Variants in ABCA3 observed in about 807,000 individuals in gnomAD.
ABCA3 encodes ATP binding cassette subfamily A member 3, also known as phospholipid-transporting ATPase ABCA3.
A neutral mutation model predicts 172.8 loss-of-function variants in ABCA3; 88 were observed. The observed-to-expected ratio is 0.51, with a 90% CI of 0.43 to 0.61. The LOEUF is 0.61. Ranked by LOEUF, ABCA3 falls within the 20% of genes least tolerant of loss-of-function variation. The probability of loss-of-function intolerance (pLI) is 0.00; values close to 1 mark genes in which losing one functional copy is unlikely to be tolerated. For missense variants in ABCA3, 2,164 were observed against 2,301.0 expected (o/e 0.94, Z 1.22); for synonymous variants, 1,066 against 983.8 (o/e 1.08, Z -1.56).
chr16:2,301,189 C>A (rs4787275), intron 12 of ABCA3, among the ~76,000 whole-genome samples: 58,652 of 148,352 alleles, frequency 0.4, 11,677 homozygotes, highest in Admixed American at 0.48. Flanking sequence ...CGAGATGGCA[C>A]CACTGTACTC....
In ABCA3 at chr16:2,295,726, T is replaced by C. The variant is rs748076621; in HGVS notation, c.2278A>G (p.Met760Val). 6.2e-6 allele frequency: 10 copies of C among 1,613,818 alleles called. No individual in the cohort carries two copies. The Admixed American group carries it at 6.7e-5, about 11-fold the overall frequency. Residue 760 changes from methionine (M) to valine (V), a missense_variant, in exon 18 of 33, where the codon ATG (methionine) becomes GTG (valine). Physicochemically the swap from Met to Val is conservative, Grantham distance 21 (BLOSUM62 1). This residue lies in a region of ABCA3 where 1,343 missense variants were observed against 1,369.6 expected (regional missense o/e 0.98). Coordinates refer to ENST00000301732, the MANE Select transcript of ABCA3 (RefSeq NM_001089.3). ...LKQKYGAGYH[M>V]TLVKEPHCNP... Reference sequence around the variant, plus strand: ...CAGTGCGGCTCCTTCACCAGCGTCATGTGATAGCCGGCACCTGGAATACAG... The same window carrying C: ...CAGTGCGGCTCCTTCACCAGCGTCACGTGATAGCCGGCACCTGGAATACAG...
Position 2,297,118 on chromosome 16 carries a change from T to A in ABCA3, c.2263+211A>T, listed in dbSNP as rs1175569289. Among the ~76,000 whole-genome samples, 4 of 152,286 alleles carry A rather than the reference T, an allele frequency of 2.6e-5. No homozygotes were observed. Among genetic ancestry groups the A allele is most frequent in the Admixed American group, 1.3e-4 (2 of 15,294 alleles). ...TTCTGGTCATGGCTGAACCACATCC[T>A]AACCAAATTGAGACTTTCAGCTCCA... On this transcript the variant is annotated intron_variant, in intron 17 of 32. Transcript: ENST00000301732. This position sits in a 1 kb window ranked among gnomAD's most constrained non-coding sequence, Gnocchi z 5.6.
Position 2,276,067 on chromosome 16 carries a change from G to A in ABCA3, c.*607C>T, listed in dbSNP as rs749749806. The A allele has an allele frequency of 3.3e-5, 10 of 298,828 alleles. No homozygotes were observed. Among genetic ancestry groups the A allele is most frequent in the South Asian group, 2.4e-4 (9 of 37,304 alleles). The allele number at this position is 298,828 out of a possible 1,614,324, so 18.5% of individuals were successfully genotyped here. ...CCTCCTGTGCCGGCTGCTTCTAGGA[G>A]ATGCTGTGGGACGGTGCCCGGCTTC... On this transcript the variant is annotated 3_prime_UTR_variant, in exon 33 of 33. Coordinates refer to ENST00000301732, the MANE Select transcript of ABCA3 (RefSeq NM_001089.3).
In ABCA3 at chr16:2,293,777, G is replaced by A. The variant is rs200888198; in HGVS notation, c.2415-1539C>T. Among the ~76,000 whole-genome samples, 22 of 151,236 alleles carry A rather than the reference G, an allele frequency of 1.5e-4. No individual in the cohort carries two copies. The East Asian group carries it at 3.0e-3, about 20-fold the overall frequency. On this transcript the variant is annotated intron_variant, in intron 18 of 32. Transcript: ENST00000301732. ...AGGATGGTCTCGATCTCCTGACCTC[G>A]TGATCCACCCGCTTCGGCCTCCAAG...
chr16:2,336,173 C>T (rs912290707), intron 1 of ABCA3, among the ~76,000 whole-genome samples: 5 of 152,150 alleles, frequency 3.3e-5, no homozygotes, highest in African/African-American at 7.2e-5. Context: ...TACGTGACTG[C>T]GTTCCCAATG....
intron 26 of ABCA3, among the ~76,000 whole-genome samples, chr16:2,282,009 A>G (rs1426560069): frequency 2.0e-5 from 3 of 152,110 alleles, no homozygotes; most frequent in African/African-American, 7.2e-5. Context: ...AGGCTGGTCT[A>G]GAACTCCTGA....
chr16:2,300,223 T>A (rs1331927407), intron 12 of ABCA3, 75 bp from the exon 13 acceptor site: 2 of 1,594,234 alleles, frequency 1.3e-6, no homozygotes, highest in African/African-American at 2.7e-5. Flanking sequence ...ACACACTAGA[T>A]GCACACAGCC....
At position 2,277,464 on chromosome 16, in the gene ABCA3, G is replaced by T; in HGVS notation, c.4983+133C>A. 1 of 927,478 alleles carries T rather than the reference G, an allele frequency of 1.1e-6. No individual in the cohort carries two copies. The highest frequency in any genetic ancestry group is 1.7e-6 in the Non-Finnish European group (1 of 588,130). The allele number at this position is 927,478 out of a possible 1,614,324, so 57.5% of individuals were successfully genotyped here. On this transcript the variant is annotated intron_variant, in intron 32 of 32. Coordinates refer to ENST00000301732, the MANE Select transcript of ABCA3 (RefSeq NM_001089.3). The surrounding 1 kb of genome is among the most constrained non-coding windows in gnomAD (Gnocchi z 5.3). ...AAACCCCCAAACCAGCACGTATCAGGCTGAGTGTTAGGGGAGAAATGGAAA... is the reference window on the plus strand; with the variant it reads ...AAACCCCCAAACCAGCACGTATCAGTCTGAGTGTTAGGGGAGAAATGGAAA...
intron 10 of ABCA3, among the ~76,000 whole-genome samples, chr16:2,313,602 A>T (rs1159229989): frequency 6.9e-5 from 10 of 144,102 alleles, no homozygotes; most frequent in Non-Finnish European, 1.1e-4. Flanking sequence ...AGTATAGTTT[A>T]AAAAAAAAAA....
Position 2,286,993 on chromosome 16 carries a change from G to A in ABCA3, c.3005-26C>T. Reference sequence around the variant, plus strand: ...CTGGGGAGCAATGGCAGAGTCAGGGGACACAGGAAGAGGTGACACCTGGGC... The same window carrying A: ...CTGGGGAGCAATGGCAGAGTCAGGGAACACAGGAAGAGGTGACACCTGGGC... On this transcript the variant is annotated intron_variant, in intron 21 of 32. Transcript: ENST00000301732. The surrounding 1 kb of genome is among the most constrained non-coding windows in gnomAD (Gnocchi z 5.2). 1 of 1,606,466 alleles carries A rather than the reference G, an allele frequency of 6.2e-7. No individual in the cohort carries two copies. Among genetic ancestry groups the A allele is most frequent in the Non-Finnish European group, 8.5e-7 (1 of 1,177,228 alleles).
Position 2,287,399 on chromosome 16 carries a change from C to T in ABCA3, c.3005-432G>A, listed in dbSNP as rs898099439. Among the ~76,000 whole-genome samples, 22 of 152,148 alleles carry T rather than the reference C, an allele frequency of 1.4e-4. No individual in the cohort carries two copies. The highest frequency in any genetic ancestry group is 5.1e-4 in the African/African-American group (21 of 41,426). Reference sequence around the variant, plus strand: ...GGTTCAAGCCATTCTCCTGCCTCAGCCTCCAGAGTAGCTGGGATTACAGGT... The same window carrying T: ...GGTTCAAGCCATTCTCCTGCCTCAGTCTCCAGAGTAGCTGGGATTACAGGT... On this transcript the variant is annotated intron_variant, in intron 21 of 32. Coordinates refer to ENST00000301732, the MANE Select transcript of ABCA3 (RefSeq NM_001089.3). The surrounding 1 kb of genome is among the most constrained non-coding windows in gnomAD (Gnocchi z 4.1).
Position 2,278,182 on chromosome 16 carries a change from CACGGGCAG to C in ABCA3, c.4718+98_4718+105del. The C allele has an allele frequency of 6.3e-7, 1 of 1,595,848 alleles. No individual in the cohort carries two copies. Among genetic ancestry groups the C allele is most frequent in the Non-Finnish European group, 8.5e-7 (1 of 1,173,694 alleles). The stretch of plus-strand genomic sequence containing the variant: ...CCTGATACCCATGCTCAGTGTGGCT[CACGGGCAG>C]ACTCTGCACCAGATGCTGATGGGTC... On this transcript the variant is annotated intron_variant, in intron 30 of 32. Transcript: ENST00000301732. This position sits in a 1 kb window ranked among gnomAD's most constrained non-coding sequence, Gnocchi z 4.4.
intron 11 of ABCA3, among the ~76,000 whole-genome samples, chr16:2,306,810 T>A (rs2093698343): frequency 6.6e-6 from 1 of 151,842 alleles, no homozygotes. Flanking sequence ...GGTCAGAAGA[T>A]CGAGACCATC....
chr16:2,330,372 T>G (rs1424738618), intron 1 of ABCA3, among the ~76,000 whole-genome samples: 3 of 143,842 alleles, frequency 2.1e-5, no homozygotes, highest in Non-Finnish European at 4.5e-5. Flanking sequence ...CAGGCTGGAG[T>G]GCCGTGGTGC....
Position 2,332,233 on chromosome 16 carries a change from CTTTT to C in ABCA3, c.-538-2383_-538-2380del, listed in dbSNP as rs374484947. On this transcript the variant is annotated intron_variant, in intron 1 of 32. Coordinates refer to ENST00000301732, the MANE Select transcript of ABCA3 (RefSeq NM_001089.3). ...GGAGAAATCCCAAACTCCTCCATTT[CTTTT>C]TTTTTTTTCCTTGAAACTTTAAAAT... 21 of 365,490 alleles carry C rather than the reference CTTTT, an allele frequency of 5.7e-5. No homozygotes were observed. The East Asian group carries it at 9.2e-4, about 16-fold the overall frequency. The allele number at this position is 365,490 out of a possible 1,614,324, so 22.6% of individuals were successfully genotyped here. A position where few individuals can be genotyped will look rare whatever the true frequency, so the allele number is the denominator to read the frequency against.
At position 2,289,478 on chromosome 16, in the gene ABCA3, C is replaced by G. The variant is rs1049124251; in HGVS notation, c.2656G>C (p.Ala886Pro). The stretch of plus-strand genomic sequence containing the variant: ...GCGGTGCGCTCCTCCTCGATGAGGG[C>G]TCCAATGCCGTCGGAGGGGTCCATG... ...GAMDPSDGIG[A>P]LIEEERTAVK... is the part of the protein sequence containing the mutation. Residue 886 changes from alanine to proline, a missense_variant, in exon 20 of 33, where the codon GCC becomes CCC. By Grantham distance (27) the Ala-to-Pro change is conservative. This residue lies in a region of ABCA3 where 1,343 missense variants were observed against 1,369.6 expected (regional missense o/e 0.98). Transcript: ENST00000301732. The G allele has an allele frequency of 5.6e-5, 90 of 1,593,052 alleles. No individual in the cohort carries two copies. Among genetic ancestry groups the G allele is most frequent in the Non-Finnish European group, 7.6e-5 (89 of 1,171,764 alleles).
chr16:2,326,663 C>T (rs1160844596), intron 3 of ABCA3, among the ~76,000 whole-genome samples, 171 bp from the exon 4 acceptor site: 2 of 152,214 alleles, frequency 1.3e-5, no homozygotes, highest in African/African-American at 4.8e-5. Context: ...CCATGCCCAC[C>T]CTCAATCCTC....
chr16:2,277,229 G>T lies in ABCA3; in HGVS notation c.4983+368C>A, dbSNP rs1429908113. 6.6e-6 allele frequency among the ~76,000 whole-genome samples: 1 copy of T among 152,116 alleles called. No individual in the cohort carries two copies. Among genetic ancestry groups the T allele is most frequent in the Non-Finnish European group, 1.5e-5 (1 of 68,026 alleles). ...TCCCACCTTAGCCTCCCGAGTGGCT[G>T]GGACTACAGGTATGCATGATACCTG... On this transcript the variant is annotated intron_variant, in intron 32 of 32. Coordinates refer to ENST00000301732, the MANE Select transcript of ABCA3 (RefSeq NM_001089.3). The surrounding 1 kb of genome is among the most constrained non-coding windows in gnomAD (Gnocchi z 5.3).
Position 2,285,873 on chromosome 16 carries a change from C to A in ABCA3, c.3279-227G>T, listed in dbSNP as rs919300908. ...TGACCATGTGACAATGGCAGCGTCA[C>A]TCTCCCTCATCACCCCGCTCCCAGC... On this transcript the variant is annotated intron_variant, in intron 22 of 32. Coordinates refer to ENST00000301732, the MANE Select transcript of ABCA3 (RefSeq NM_001089.3). This position sits in a 1 kb window ranked among gnomAD's most constrained non-coding sequence, Gnocchi z 4.7. 2.0e-5 allele frequency among the ~76,000 whole-genome samples: 3 copies of A among 152,204 alleles called. No homozygotes were observed. The highest frequency in any genetic ancestry group is 2.0e-4 in the Admixed American group (3 of 15,286).
Sources: allele counts gnomAD v4.1 joint callset (sites outside exome capture counted in the v4.1 genomes callset), GRCh38; gene constraint gnomAD v4.1.1; regional missense constraint gnomAD v4.1.1; non-coding constraint Gnocchi (gnomAD v3.1); transcripts MANE v1.5; gene names NCBI Gene and HGNC (gene_info 2026-07-23, HGNC 2026-07-21).